CELF2: variants seen among roughly 807,000 people sequenced by gnomAD.
CELF2 encodes the protein CUGBP Elav-like family member 2.
In CELF2, 8 loss-of-function variants were observed where a neutral mutation model predicts 62.6. The observed-to-expected ratio is 0.13, with a 90% CI of 0.07 to 0.23. The LOEUF (loss-of-function observed/expected upper bound fraction) is 0.23, where lower values mean the gene tolerates loss of function less well. CELF2 is among the 10% of genes least tolerant of loss of function. The pLI, the probability that CELF2 is intolerant of heterozygous loss-of-function variation, is 1.00. For synonymous variants in CELF2, 258 were observed against 250.0 expected, an observed-to-expected ratio of 1.03 and a Z score of -0.30; for missense variants, 333 against 671.0, an observed-to-expected ratio of 0.50 and a Z score of 5.56.
At chr10:10,516,452 C>T in the CELF2 span, among the ~76,000 whole-genome samples, 5 of 152,102 alleles carry the variant, frequency 3.3e-5, no homozygotes, top group African/African-American at 1.2e-4. Context: ...AGAAATAAAA[C>T]ATTCATCATC....
At chr10:10,650,439 T>C in the CELF2 span, among the ~76,000 whole-genome samples, 4 of 152,364 alleles carry the variant, frequency 2.6e-5, no homozygotes, top group Admixed American at 6.5e-5. Context: ...ATTAAAGATA[T>C]GCATACTCTG....
At chr10:11,085,364 C>A (rs1012957557) in intron 1 of CELF2, among the ~76,000 whole-genome samples, 1 of 152,172 alleles carries the variant, frequency 6.6e-6, no homozygotes, top group African/African-American at 2.4e-5. Context: ...ATACCATAAT[C>A]CTGTTCATTG....
chr10:11,027,651 G>T (rs1442840566), intron 1 of CELF2, among the ~76,000 whole-genome samples: 1 of 152,164 alleles, frequency 6.6e-6, no homozygotes, highest in Non-Finnish European at 1.5e-5. Flanking sequence ...TGCCCTGTAT[G>T]TCGTAGAATG....
chr10:11,084,192 A>T (rs548360646), intron 1 of CELF2, among the ~76,000 whole-genome samples: 17 of 152,334 alleles, frequency 1.1e-4, no homozygotes, highest in Non-Finnish European at 2.5e-4. Flanking sequence ...TCAATTCCAC[A>T]GCTTAGGTGG....
intron 1 of CELF2, among the ~76,000 whole-genome samples, chr10:10,851,491 G>A (rs1448512924): frequency 6.6e-6 from 1 of 152,124 alleles, no homozygotes; most frequent in Non-Finnish European, 1.5e-5. Flanking sequence ...AAAACTTCTA[G>A]AAGAAAGCAT....
At chr10:11,001,164 A>G (rs536934613), upstream of CELF2, among the ~76,000 whole-genome samples, 29 of 152,282 alleles carry the variant, frequency 1.9e-4, no homozygotes, top group East Asian at 5.4e-3. Flanking sequence ...CAAATTTTCT[A>G]TGTATTCTTT....
chr10:10,956,884 T>A (rs1020510957), intron 2 of CELF2, among the ~76,000 whole-genome samples: 1 of 151,508 alleles, frequency 6.6e-6, no homozygotes, highest in African/African-American at 2.4e-5. Flanking sequence ...CAGTGAGCTA[T>A]GATTGCACCA....
At chr10:11,153,676 A>C (rs570238550) in intron 1 of CELF2, among the ~76,000 whole-genome samples, 1 of 152,368 alleles carries the variant, frequency 6.6e-6, no homozygotes, top group African/African-American at 2.4e-5. Context: ...TAAAGGCATT[A>C]TGAATATTGG....
At chr10:10,809,882 C>T (rs552665246) in intron 1 of CELF2, among the ~76,000 whole-genome samples, 2 of 152,220 alleles carry the variant, frequency 1.3e-5, no homozygotes, top group African/African-American at 4.8e-5. Context: ...AATTTATTCT[C>T]ACGTTATATT....
chr10:11,060,425 A>G (rs996254366), intron 1 of CELF2, among the ~76,000 whole-genome samples: 6 of 152,186 alleles, frequency 3.9e-5, no homozygotes, highest in Non-Finnish European at 8.8e-5. Flanking sequence ...GGAAAAGTGT[A>G]ATTAGGGTAT....
At chr10:10,589,880 G>A in the CELF2 span, among the ~76,000 whole-genome samples, 1 of 152,128 alleles carries the variant, frequency 6.6e-6, no homozygotes, top group Non-Finnish European at 1.5e-5. Flanking sequence ...TAAAACCCTG[G>A]CTAAGGTCCT....
chr10:10,834,009 A>G (rs1389589134), intron 1 of CELF2, among the ~76,000 whole-genome samples: 2 of 152,238 alleles, frequency 1.3e-5, no homozygotes, highest in African/African-American at 4.8e-5. Flanking sequence ...AGACACTTGT[A>G]CATGTATGTT....
At chr10:10,669,313 T>C in the CELF2 span, among the ~76,000 whole-genome samples, 3 of 152,206 alleles carry the variant, frequency 2.0e-5, no homozygotes, top group Admixed American at 1.3e-4. Flanking sequence ...TTATGAAGAG[T>C]AAACTCCTAG....
In CELF2 at chr10:11,270,963, T is replaced by C; in HGVS notation, c.777+139T>C. On this transcript the variant is annotated intron_variant, in intron 7 of 12. Transcript: ENST00000633077. This position sits in a 1 kb window ranked among gnomAD's most constrained non-coding sequence, Gnocchi z 5.8. Reference sequence around the variant, plus strand: ...TATTGAAATCAGCATTTATGCAGGATATTTTTCCAAGTTAGATTGATTCTG... The same window carrying C: ...TATTGAAATCAGCATTTATGCAGGACATTTTTCCAAGTTAGATTGATTCTG... 3 of 858,000 alleles carry C rather than the reference T, an allele frequency of 3.5e-6. No homozygotes were observed. Among genetic ancestry groups the C allele is most frequent in the Non-Finnish European group, 4.8e-6 (3 of 627,530 alleles). 53.1% of individuals were successfully genotyped at this position (858,000 alleles called of 1,614,324 possible).
At chr10:10,487,589 A>G in the CELF2 span, among the ~76,000 whole-genome samples, 1 of 152,188 alleles carries the variant, frequency 6.6e-6, no homozygotes, top group African/African-American at 2.4e-5. Flanking sequence ...GTGAAAAGAA[A>G]AAAATGCTTT....
At chr10:10,654,068 C>G in the CELF2 span, among the ~76,000 whole-genome samples, 1 of 148,426 alleles carries the variant, frequency 6.7e-6, no homozygotes, top group Middle Eastern at 3.2e-3. Flanking sequence ...TACAAACTAC[C>G]ATCAGAGAAT....
At chr10:10,576,375 T>C in the CELF2 span, among the ~76,000 whole-genome samples, 1 of 152,156 alleles carries the variant, frequency 6.6e-6, no homozygotes, top group African/African-American at 2.4e-5. Context: ...AATACTAGCT[T>C]TCTCAGGCAC....
At chr10:11,038,823 CTG>C (rs1313174412) in intron 1 of CELF2, among the ~76,000 whole-genome samples, 1 of 152,164 alleles carries the variant, frequency 6.6e-6, no homozygotes, top group African/African-American at 2.4e-5. Context: ...GGGCTTAAAA[CTG>C]TGATAATTAT....
chr10:10,598,368 C>A, the CELF2 span, among the ~76,000 whole-genome samples: 3 of 152,184 alleles, frequency 2.0e-5, no homozygotes, highest in Non-Finnish European at 4.4e-5. Flanking sequence ...TCTTTTACCA[C>A]AGTTCTTCAG....
Sources: allele counts gnomAD v4.1 joint callset (sites outside exome capture counted in the v4.1 genomes callset), GRCh38; gene constraint gnomAD v4.1.1; non-coding constraint Gnocchi (gnomAD v3.1); transcripts MANE v1.5; gene names NCBI Gene and HGNC (gene_info 2026-07-23, HGNC 2026-07-21).